ZNF532: variants seen among roughly 807,000 people sequenced by gnomAD.
ZNF532 encodes zinc finger protein 532.
A neutral mutation model predicts 89.3 loss-of-function variants in ZNF532; 22 were observed. The observed-to-expected ratio is 0.25, with a 90% CI of 0.18 to 0.35. The LOEUF is 0.35. Ranked by LOEUF, ZNF532 falls within the 10% of genes least tolerant of loss-of-function variation. The probability of loss-of-function intolerance (pLI) is 1.00; values close to 1 mark genes in which losing one functional copy is unlikely to be tolerated. For synonymous variants in ZNF532, 606 were observed against 649.6 expected (o/e 0.93, Z 1.02); for missense variants, 1,132 against 1,643.4 (o/e 0.69, Z 5.38).
At chr18:58,970,164 G>C (rs143747116) in intron 7 of ZNF532, among the ~76,000 whole-genome samples, 1 of 152,158 alleles carries the variant, frequency 6.6e-6, no homozygotes, top group Non-Finnish European at 1.5e-5. Flanking sequence ...GATTACAGGC[G>C]TGAGCCGCTG....
intron 5 of ZNF532, 94 bp downstream of exon 5, chr18:58,939,715 A>T: frequency 8.0e-7 from 1 of 1,256,798 alleles, no homozygotes; most frequent in Non-Finnish European, 1.1e-6. Flanking sequence ...ATTTACCAAG[A>T]TCTGAAAAAT....
rs771841866 is a variant in ZNF532 at position 58,983,934 on chromosome 18, G to A, written c.3412-38G>A. ...TCATTTATCAACCACCGTGAAGGAT[G>A]GTTTTCAGTCGTGTCATTTGCTTTC... On this transcript the variant is annotated intron_variant, in intron 9 of 9. Coordinates refer to ENST00000591808, the MANE Select transcript of ZNF532 (RefSeq NM_001375912.1). The A allele has an allele frequency of 5.7e-6, 9 of 1,571,488 alleles. No homozygotes were observed. The East Asian group carries it at 2.0e-4, about 35-fold the overall frequency.
At chr18:58,904,802 C>T (rs1289933456) in intron 2 of ZNF532, among the ~76,000 whole-genome samples, 1 of 151,364 alleles carries the variant, frequency 6.6e-6, no homozygotes, top group Non-Finnish European at 1.5e-5. Flanking sequence ...GTGCAGAAAT[C>T]ATAGAGAATG....
chr18:58,945,767 C>T (rs1340569756), intron 5 of ZNF532, among the ~76,000 whole-genome samples: 1 of 150,858 alleles, frequency 6.6e-6, no homozygotes, highest in South Asian at 2.1e-4. Flanking sequence ...CTCCCTCTGT[C>T]ACCAGGCTAG....
At chr18:58,944,342 C>T (rs922576279) in intron 5 of ZNF532, among the ~76,000 whole-genome samples, 7 of 151,948 alleles carry the variant, frequency 4.6e-5, no homozygotes, top group East Asian at 1.9e-4. Context: ...CTTCCTTTCC[C>T]GCTCCCCCTC....
At chr18:58,895,068 T>C (rs1326280725) in intron 2 of ZNF532, among the ~76,000 whole-genome samples, 1 of 152,246 alleles carries the variant, frequency 6.6e-6, no homozygotes, top group East Asian at 1.9e-4. Flanking sequence ...CTTATCCCTG[T>C]GGCACAGAGC....
At chr18:58,868,339 A>C (rs1467972850) in intron 2 of ZNF532, among the ~76,000 whole-genome samples, 1 of 152,216 alleles carries the variant, frequency 6.6e-6, no homozygotes, top group East Asian at 1.9e-4. Context: ...AAAAATTTAA[A>C]ATTTGTGTAC....
chr18:58,888,898 T>TATA (rs1555709772), intron 2 of ZNF532, among the ~76,000 whole-genome samples: 1 of 78,988 alleles, frequency 1.3e-5, no homozygotes, highest in African/African-American at 4.6e-5. Context: ...ATTTTATATA[T>TATA]ATATATATAT....
intron 7 of ZNF532, among the ~76,000 whole-genome samples, chr18:58,959,246 G>GTTTT (rs1183690837): frequency 8.7e-6 from 1 of 115,366 alleles, no homozygotes; most frequent in South Asian, 3.4e-4. Flanking sequence ...GATCTTTTCA[G>GTTTT]TTTTTTGTTT....
chr18:58,949,709 G>A (rs777791951), intron 6 of ZNF532, among the ~76,000 whole-genome samples: 1 of 152,180 alleles, frequency 6.6e-6, no homozygotes, highest in Non-Finnish European at 1.5e-5. Context: ...CACAAAAAAG[G>A]TCAGTTTAAA....
At chr18:58,956,687 A>C (rs1402069070) in intron 7 of ZNF532, among the ~76,000 whole-genome samples, 1 of 151,988 alleles carries the variant, frequency 6.6e-6, no homozygotes, top group Non-Finnish European at 1.5e-5. Flanking sequence ...TTATCACTGA[A>C]CCCAGTTCTC....
At chr18:58,879,318 G>A (rs555888315) in intron 2 of ZNF532, among the ~76,000 whole-genome samples, 51 of 152,344 alleles carry the variant, frequency 3.3e-4, no homozygotes, top group African/African-American at 1.2e-3. Context: ...TAAATGAGTA[G>A]AGTCAATGAG....
intron 4 of ZNF532, among the ~76,000 whole-genome samples, chr18:58,935,004 AG>A: frequency 6.6e-6 from 1 of 152,190 alleles, no homozygotes; most frequent in East Asian, 1.9e-4. Context: ...AAACAGAAAT[AG>A]TGCGATGGTC....
intron 2 of ZNF532, among the ~76,000 whole-genome samples, chr18:58,894,147 T>C (rs1602741447): frequency 6.6e-6 from 1 of 152,192 alleles, no homozygotes; most frequent in African/African-American, 2.4e-5. Flanking sequence ...AGCATAAATA[T>C]ATGATTTTCA....
chr18:58,967,472 AC>A (rs1448164312), intron 7 of ZNF532, among the ~76,000 whole-genome samples: 1 of 151,956 alleles, frequency 6.6e-6, no homozygotes, highest in Non-Finnish European at 1.5e-5. Context: ...GCCTGGACAT[AC>A]CTTTCCTTGC....
chr18:58,906,047 A>G (rs527859411), intron 2 of ZNF532, among the ~76,000 whole-genome samples: 21 of 152,246 alleles, frequency 1.4e-4, no homozygotes, highest in African/African-American at 4.6e-4. Flanking sequence ...CCGGGGACAT[A>G]CTGTCCGTGT....
chr18:58,915,133 G>A (rs917066727), intron 2 of ZNF532, among the ~76,000 whole-genome samples: 4 of 152,202 alleles, frequency 2.6e-5, no homozygotes, highest in African/African-American at 9.6e-5. Flanking sequence ...CAAAAAAGAA[G>A]TGTGAAGTTA....
At chr18:58,972,858 G>A (rs1417362362) in intron 7 of ZNF532, among the ~76,000 whole-genome samples, 3 of 152,154 alleles carry the variant, frequency 2.0e-5, no homozygotes, top group South Asian at 4.1e-4. Context: ...AGAACCTGCC[G>A]ATGTTTTCCA....
intron 3 of ZNF532, among the ~76,000 whole-genome samples, chr18:58,931,113 C>T (rs966995298): frequency 1.3e-5 from 2 of 151,996 alleles, no homozygotes; most frequent in African/African-American, 2.4e-5. Context: ...ACCTAAGTAC[C>T]GAAAACATTT....
Sources: gnomAD v4.1 joint callset for allele counts (sites outside exome capture counted in the v4.1 genomes callset) on GRCh38, gnomAD v4.1.1 for gene constraint, MANE v1.5 for transcripts, NCBI Gene and HGNC (gene_info 2026-07-23, HGNC 2026-07-21) for gene names.